STAC: variants seen among roughly 807,000 people sequenced by gnomAD.
STAC encodes SH3 and cysteine rich domain.
STAC carries 43 observed loss-of-function variants against 48.8 expected under a neutral mutation model. The observed-to-expected ratio is 0.88, with a 90% confidence interval of 0.69 to 1.14. STAC has a LOEUF of 1.14. Ranked by LOEUF, STAC falls within the 50% of genes most tolerant of loss-of-function variation. STAC has a pLI of 0.00. For synonymous variants in STAC, 193 were observed against 179.5 expected (o/e 1.07, Z -0.60); for missense variants, 497 against 504.0 (o/e 0.99, Z 0.13).
chr3:36,383,194 C>T (rs60239415), intron 1 of STAC, among the ~76,000 whole-genome samples: 4 of 151,938 alleles, frequency 2.6e-5, no homozygotes, highest in African/African-American at 9.7e-5. Flanking sequence ...CATAGTTGAG[C>T]GAGAACAATA....
intron 1 of STAC, among the ~76,000 whole-genome samples, chr3:36,402,683 C>T (rs1700020571): frequency 6.6e-6 from 1 of 152,050 alleles, no homozygotes; most frequent in Non-Finnish European, 1.5e-5. Context: ...AAACAGAAGG[C>T]AGCTCTATAC....
At chr3:36,417,093 G>A (rs557692485) in intron 1 of STAC, among the ~76,000 whole-genome samples, 6 of 152,012 alleles carry the variant, frequency 3.9e-5, no homozygotes, top group East Asian at 1.9e-4. Flanking sequence ...GATTCTCTGC[G>A]GCCCCACAGC....
chr3:36,512,790 T>TTTTTTTTTTTTTTTTTTTTTTTTTTTC (rs1698575171), intron 8 of STAC, among the ~76,000 whole-genome samples: 1 of 152,212 alleles, frequency 6.6e-6, no homozygotes, highest in African/African-American at 2.4e-5. Flanking sequence ...ATACTTTTTT[T>TTTTTTTTTTTTTTTTTTTTTTTTTTTC]TATTTTTTTG....
At chr3:36,541,061 A>T (rs1699312154) in intron 10 of STAC, among the ~76,000 whole-genome samples, 1 of 152,196 alleles carries the variant, frequency 6.6e-6, no homozygotes, top group South Asian at 2.1e-4. Flanking sequence ...ATTTCTGCTA[A>T]GCTATCCTTG....
At chr3:36,439,282 G>A (rs1318202614) in intron 1 of STAC, among the ~76,000 whole-genome samples, 2 of 152,180 alleles carry the variant, frequency 1.3e-5, no homozygotes, top group Non-Finnish European at 2.9e-5. Context: ...GTCGCCTGGT[G>A]AAGCACTTAG....
intron 10 of STAC, among the ~76,000 whole-genome samples, chr3:36,532,867 T>C (rs1161582292): frequency 6.6e-6 from 1 of 152,222 alleles, no homozygotes; most frequent in Admixed American, 6.5e-5. Context: ...AGAATCATAA[T>C]TATTAGTCAT....
intron 10 of STAC, among the ~76,000 whole-genome samples, chr3:36,538,143 T>C (rs962639177): frequency 6.6e-6 from 1 of 152,192 alleles, no homozygotes; most frequent in Admixed American, 6.5e-5. Flanking sequence ...TTTGATATCA[T>C]ATCCTCTTTA....
chr3:36,542,097 G>A (rs1314284110), intron 10 of STAC, among the ~76,000 whole-genome samples: 1 of 151,976 alleles, frequency 6.6e-6, no homozygotes, highest in Non-Finnish European at 1.5e-5. Flanking sequence ...AGGAGAAGAG[G>A]AAAGGGAAGG....
intron 10 of STAC, among the ~76,000 whole-genome samples, chr3:36,529,990 C>T (rs1699026282): frequency 6.6e-6 from 1 of 152,070 alleles, no homozygotes; most frequent in South Asian, 2.1e-4. Flanking sequence ...CGTGGTGGCA[C>T]ACATCTGTAA....
chr3:36,446,854 G>C (rs1696520861), intron 2 of STAC, among the ~76,000 whole-genome samples: 2 of 152,178 alleles, frequency 1.3e-5, no homozygotes, highest in Non-Finnish European at 2.9e-5. Context: ...TTCGAAAAAT[G>C]TATTTCATTG....
At chr3:36,535,194 T>C (rs1487570559) in intron 10 of STAC, among the ~76,000 whole-genome samples, 2 of 152,200 alleles carry the variant, frequency 1.3e-5, no homozygotes, top group Non-Finnish European at 2.9e-5. Context: ...TTCACTCGCC[T>C]TGTTAGCTGT....
chr3:36,398,593 GAAGGAAGA>G (rs796400130), intron 1 of STAC, among the ~76,000 whole-genome samples: 1,667 of 85,142 alleles, frequency 0.02, 127 homozygotes, highest in African/African-American at 0.082. Context: ...AGGAAGGAAG[GAAGGAAGA>G]AAGGAAGGAG....
intron 1 of STAC, among the ~76,000 whole-genome samples, chr3:36,415,163 G>A (rs1700290573): frequency 6.6e-6 from 1 of 152,208 alleles, no homozygotes; most frequent in African/African-American, 2.4e-5. Flanking sequence ...ATCTCAAGCT[G>A]CGTACTGGGA....
At chr3:36,438,838 G>C (rs918482378) in intron 1 of STAC, among the ~76,000 whole-genome samples, 1 of 152,184 alleles carries the variant, frequency 6.6e-6, no homozygotes, top group Non-Finnish European at 1.5e-5. Context: ...ATGTGTGTAA[G>C]CATCCTCCCC....
At chr3:36,531,011 A>G (rs918391586) in intron 10 of STAC, among the ~76,000 whole-genome samples, 3 of 152,214 alleles carry the variant, frequency 2.0e-5, no homozygotes, top group Non-Finnish European at 4.4e-5. Flanking sequence ...CCTCCCTTTA[A>G]ATTCAAGTAA....
intron 2 of STAC, among the ~76,000 whole-genome samples, chr3:36,461,779 C>T (rs1410816953): frequency 2.6e-5 from 4 of 152,108 alleles, no homozygotes; most frequent in African/African-American, 9.7e-5. Context: ...GCAGAGCATA[C>T]TTGGTGTCTT....
intron 1 of STAC, among the ~76,000 whole-genome samples, chr3:36,437,901 G>T (rs931788728): frequency 6.7e-6 from 1 of 148,760 alleles, no homozygotes; most frequent in African/African-American, 2.5e-5. Context: ...TCTATGCCTA[G>T]CTCAGAGCAG....
At chr3:36,408,305 T>G (rs1700124538) in intron 1 of STAC, among the ~76,000 whole-genome samples, 1 of 152,178 alleles carries the variant, frequency 6.6e-6, no homozygotes, top group South Asian at 2.1e-4. Context: ...TTCCTCCTCT[T>G]CTTATACCCT....
chr3:36,413,739 C>A (rs1458461659), intron 1 of STAC, among the ~76,000 whole-genome samples: 1 of 152,092 alleles, frequency 6.6e-6, no homozygotes, highest in African/African-American at 2.4e-5. Context: ...GGTTATTTTG[C>A]TCATTAGTTG....
Sources: allele counts gnomAD v4.1 joint callset (sites outside exome capture counted in the v4.1 genomes callset), GRCh38; gene constraint gnomAD v4.1.1; transcripts MANE v1.5; gene names NCBI Gene and HGNC (gene_info 2026-07-23, HGNC 2026-07-21).